The following COL5A2 variants were observed in gnomAD, a reference collection of about 807,000 sequenced individuals.
COL5A2 encodes collagen alpha-2(V) chain.
In COL5A2, 23 loss-of-function variants were observed where a neutral mutation model predicts 208.2. The ratio of observed to expected loss-of-function variants is 0.11; its 90% CI spans 0.08 to 0.16. The LOEUF is 0.16. COL5A2 is among the 10% of genes least tolerant of loss of function. COL5A2 has a pLI of 1.00. For synonymous variants in COL5A2, 625 were observed against 628.5 expected, an observed-to-expected ratio of 0.99 and a Z score of 0.08; for missense variants, 1,590 against 1,956.4, an observed-to-expected ratio of 0.81 and a Z score of 3.53.
chr2:189,213,202 T>A (rs1689237545), intron 1 of COL5A2, among the ~76,000 whole-genome samples: 1 of 152,040 alleles, frequency 6.6e-6, no homozygotes. Flanking sequence ...AACACTATAT[T>A]TTTAAAAATC....
chr2:189,226,894 C>A (rs187323002), upstream of COL5A2, among the ~76,000 whole-genome samples: 3 of 152,212 alleles, frequency 2.0e-5, no homozygotes, highest in Admixed American at 2.0e-4. Context: ...AAGATTTGAG[C>A]GGCATGTTGC....
At position 189,034,151 on chromosome 2, in the gene COL5A2, G is replaced by A. The variant is rs1685395501; in HGVS notation, c.4419C>T (p.Pro1473=). Residue 1473 remains proline, a synonymous_variant, in exon 54 of 54, where the codon CCC becomes CCT. Coordinates refer to ENST00000374866, the MANE Select transcript of COL5A2 (RefSeq NM_000393.5). ...EYRTQNVARL[P]IIDLAPVDVG... Reference sequence around the variant, plus strand: ...CATCCACAGGAGCAAGATCTATGATGGGCAAGCGTGCCACATTCTGTGTTC... The same window carrying A: ...CATCCACAGGAGCAAGATCTATGATAGGCAAGCGTGCCACATTCTGTGTTC... The A allele has an allele frequency of 1.2e-6, 2 of 1,613,924 alleles. No homozygotes were observed. Among genetic ancestry groups the A allele is most frequent in the Non-Finnish European group, 1.7e-6 (2 of 1,179,930 alleles).
At chr2:189,145,635 G>A (rs1244885337) in intron 1 of COL5A2, among the ~76,000 whole-genome samples, 1 of 151,848 alleles carries the variant, frequency 6.6e-6, no homozygotes, top group Non-Finnish European at 1.5e-5. Flanking sequence ...CAATTAATGA[G>A]CTGAAGAAGA....
chr2:189,361,941 C>T, the COL5A2 span, among the ~76,000 whole-genome samples: 27 of 152,136 alleles, frequency 1.8e-4, no homozygotes, highest in East Asian at 1.2e-3. Flanking sequence ...CTGATGTTTC[C>T]GTTTATATCA....
At chr2:189,186,651 A>G (rs1185518839) in intron 1 of COL5A2, among the ~76,000 whole-genome samples, 1 of 152,220 alleles carries the variant, frequency 6.6e-6, no homozygotes, top group African/African-American at 2.4e-5. Context: ...AGGTTCAAAG[A>G]AATTATGTGA....
chr2:189,063,852 G>T, intron 26 of COL5A2, 128 bp downstream of exon 26: 1 of 725,926 alleles, frequency 1.4e-6, no homozygotes, highest in Non-Finnish European at 2.3e-6. Context: ...GCTTCCAGAA[G>T]TTGGTACAAA....
chr2:189,377,911 C>A, the COL5A2 span, among the ~76,000 whole-genome samples: 1 of 152,158 alleles, frequency 6.6e-6, no homozygotes, highest in African/African-American at 2.4e-5. Flanking sequence ...CTGGAATGTT[C>A]TGAGGGACCC....
the COL5A2 span, among the ~76,000 whole-genome samples, chr2:189,433,960 A>G: frequency 6.6e-6 from 1 of 152,240 alleles, no homozygotes; most frequent in Non-Finnish European, 1.5e-5. Flanking sequence ...CAAATCCAGC[A>G]GCACATCAAA....
intron 1 of COL5A2, among the ~76,000 whole-genome samples, chr2:189,188,852 A>T (rs931577930): frequency 6.6e-6 from 1 of 152,228 alleles, no homozygotes; most frequent in African/African-American, 2.4e-5. Flanking sequence ...TTCTTGCTAT[A>T]GAGAGGGCAG....
intron 51 of COL5A2, among the ~76,000 whole-genome samples, chr2:189,038,941 G>C (rs555543714): frequency 1.4e-4 from 21 of 151,938 alleles, no homozygotes; most frequent in Non-Finnish European, 2.6e-4. Flanking sequence ...AGCCCACCTC[G>C]GCCTCCCAAA....
At chr2:189,143,005 C>T (rs1331712600) in intron 1 of COL5A2, among the ~76,000 whole-genome samples, 5 of 152,106 alleles carry the variant, frequency 3.3e-5, no homozygotes, top group Admixed American at 6.6e-5. Context: ...CATGATTGTT[C>T]GATCTCTCTC....
At chr2:189,222,096 A>G (rs1201415270) in intron 1 of COL5A2, among the ~76,000 whole-genome samples, 1 of 152,198 alleles carries the variant, frequency 6.6e-6, no homozygotes, top group Non-Finnish European at 1.5e-5. Flanking sequence ...TAGTTGATTC[A>G]GATAAGTCAC....
chr2:189,426,305 C>T, the COL5A2 span, among the ~76,000 whole-genome samples: 2 of 152,154 alleles, frequency 1.3e-5, no homozygotes, highest in African/African-American at 4.8e-5. Flanking sequence ...GACTGCCTCC[C>T]ATTCTATTCA....
chr2:189,280,825 A>G, the COL5A2 span, among the ~76,000 whole-genome samples: 23 of 152,220 alleles, frequency 1.5e-4, no homozygotes, highest in East Asian at 3.7e-3. Flanking sequence ...CTCAATGGAG[A>G]AGAAGCAACT....
chr2:189,148,864 G>C (rs548491542), intron 1 of COL5A2, among the ~76,000 whole-genome samples: 45 of 152,310 alleles, frequency 3.0e-4, no homozygotes, highest in Admixed American at 2.9e-3. Flanking sequence ...TTATGGCCTG[G>C]TGCAGTGGCT....
chr2:189,348,674 A>C, the COL5A2 span, among the ~76,000 whole-genome samples: 2 of 152,146 alleles, frequency 1.3e-5, no homozygotes, highest in Non-Finnish European at 2.9e-5. Context: ...GATGCAACTC[A>C]TTTCCCTTCT....
chr2:189,207,156 T>C (rs991126176), intron 1 of COL5A2, among the ~76,000 whole-genome samples: 3 of 152,214 alleles, frequency 2.0e-5, no homozygotes, highest in Non-Finnish European at 4.4e-5. Flanking sequence ...TGTTTGGGTA[T>C]GCTAAATTGG....
chr2:189,094,414 T>C (rs530565539), intron 6 of COL5A2, among the ~76,000 whole-genome samples: 3 of 151,900 alleles, frequency 2.0e-5, no homozygotes, highest in South Asian at 2.1e-4. Flanking sequence ...TTTATTATCA[T>C]TCCCTTCCAT....
At chr2:189,066,587 T>G in intron 22 of COL5A2, 90 bp from the exon 23 acceptor site, 1 of 1,417,252 alleles carries the variant, frequency 7.1e-7, no homozygotes, top group Non-Finnish European at 1.0e-6. Flanking sequence ...CAGTCACAAA[T>G]TTTAAAGTAT....
Sources: allele counts gnomAD v4.1 joint callset (sites outside exome capture counted in the v4.1 genomes callset), GRCh38; gene constraint gnomAD v4.1.1; transcripts MANE v1.5; gene names NCBI Gene and HGNC (gene_info 2026-07-23, HGNC 2026-07-21).